LRP1B: variants seen among roughly 807,000 people sequenced by gnomAD.
LRP1B encodes the protein LDL receptor related protein 1B.
Under a neutral mutation model 556.6 loss-of-function variants are expected in LRP1B, and 217 were observed. The ratio of observed to expected loss-of-function variants is 0.39; its 90% CI spans 0.35 to 0.44. LRP1B has a LOEUF of 0.44. LRP1B is among the 20% of genes least tolerant of loss of function. LRP1B has a pLI of 1.00. For synonymous variants in LRP1B, 2,047 were observed against 1,865.8 expected (o/e 1.10, Z -2.50); for missense variants, 5,053 against 5,620.8 (o/e 0.90, Z 3.23).
chr2:141,848,913 A>G (rs1275579297), intron 1 of LRP1B, among the ~76,000 whole-genome samples: 1 of 151,554 alleles, frequency 6.6e-6, no homozygotes, highest in Non-Finnish European at 1.5e-5. Context: ...TGTCCAGGGG[A>G]GTGCCTGGCA....
chr2:141,429,762 T>C (rs4245857), intron 3 of LRP1B, among the ~76,000 whole-genome samples: 1 of 151,976 alleles, frequency 6.6e-6, no homozygotes, highest in African/African-American at 2.4e-5. Flanking sequence ...CATTCCTGTG[T>C]TAGTTTGCTG....
At chr2:141,141,559 A>G (rs1701652606) in intron 7 of LRP1B, among the ~76,000 whole-genome samples, 1 of 152,194 alleles carries the variant, frequency 6.6e-6, no homozygotes, top group African/African-American at 2.4e-5. Flanking sequence ...TCCTTTTGCC[A>G]AAGTTTTATC....
intron 2 of LRP1B, among the ~76,000 whole-genome samples, chr2:141,602,977 A>G (rs1574128891): frequency 6.6e-6 from 1 of 152,346 alleles, no homozygotes; most frequent in Non-Finnish European, 1.5e-5. Flanking sequence ...AACGTATTTT[A>G]AAATGCATTG....
chr2:140,918,606 G>A (rs143825321), intron 21 of LRP1B, among the ~76,000 whole-genome samples: 15 of 152,136 alleles, frequency 9.9e-5, no homozygotes, highest in African/African-American at 1.4e-4. Flanking sequence ...AACTGATGTC[G>A]AAAGAATGCA....
At chr2:141,542,960 T>C (rs1391464876) in intron 2 of LRP1B, among the ~76,000 whole-genome samples, 1 of 152,166 alleles carries the variant, frequency 6.6e-6, no homozygotes, top group Non-Finnish European at 1.5e-5. Context: ...TAGCAGAAGA[T>C]TCCCAAACTA....
chr2:141,033,399 TA>T (rs1698436073), intron 11 of LRP1B, among the ~76,000 whole-genome samples: 2 of 151,994 alleles, frequency 1.3e-5, no homozygotes. Flanking sequence ...ATTTAAAATT[TA>T]AAAAACTACT....
intron 2 of LRP1B, among the ~76,000 whole-genome samples, chr2:141,599,002 TA>T (rs1462882323): frequency 7.3e-6 from 1 of 137,274 alleles, no homozygotes; most frequent in Admixed American, 7.8e-5. Flanking sequence ...GCCAAGTCTA[TA>T]AAAAAATTGA....
chr2:140,588,089 G>C (rs887079721), intron 43 of LRP1B, among the ~76,000 whole-genome samples: 1 of 152,118 alleles, frequency 6.6e-6, no homozygotes, highest in African/African-American at 2.4e-5. Context: ...AGGAATTTTC[G>C]AAAGCAATAG....
At chr2:140,540,071 C>T (rs1193263396) in intron 45 of LRP1B, among the ~76,000 whole-genome samples, 1 of 151,932 alleles carries the variant, frequency 6.6e-6, no homozygotes, top group Non-Finnish European at 1.5e-5. Flanking sequence ...AGATAAAATC[C>T]TTCCAGTGGA....
At chr2:140,842,881 T>C (rs1344892826) in intron 29 of LRP1B, among the ~76,000 whole-genome samples, 1 of 152,024 alleles carries the variant, frequency 6.6e-6, no homozygotes, top group Admixed American at 6.6e-5. Flanking sequence ...ACACAGAGGA[T>C]TGTTATGAAT....
chr2:140,246,606 T>C (rs1056542986), intron 87 of LRP1B, among the ~76,000 whole-genome samples: 2 of 151,472 alleles, frequency 1.3e-5, no homozygotes, highest in African/African-American at 4.8e-5. Context: ...AAGCAATAAA[T>C]CAACTTATAT....
intron 66 of LRP1B, among the ~76,000 whole-genome samples, chr2:140,413,411 G>A (rs180880426): frequency 6.6e-6 from 1 of 152,110 alleles, no homozygotes; most frequent in Non-Finnish European, 1.5e-5. Context: ...GTTTCTAATA[G>A]AAAATCTGTC....
At chr2:141,087,906 A>G (rs1186827500) in intron 7 of LRP1B, among the ~76,000 whole-genome samples, 4 of 150,332 alleles carry the variant, frequency 2.7e-5, no homozygotes, top group East Asian at 3.9e-4. Context: ...CAAGCTTTTT[A>G]TAAGTTAGAC....
intron 2 of LRP1B, among the ~76,000 whole-genome samples, chr2:141,503,646 A>G (rs184585303): frequency 6.6e-6 from 1 of 152,072 alleles, no homozygotes; most frequent in East Asian, 1.9e-4. Context: ...CCCAATTCCT[A>G]CTCATGCTTC....
intron 2 of LRP1B, among the ~76,000 whole-genome samples, chr2:141,640,221 T>G (rs955298077): frequency 2.6e-5 from 4 of 152,164 alleles, no homozygotes; most frequent in Non-Finnish European, 2.9e-5. Context: ...ATCATGATAA[T>G]TACTCGTAAA....
intron 3 of LRP1B, among the ~76,000 whole-genome samples, chr2:141,436,408 T>C (rs562824151): frequency 3.3e-5 from 5 of 152,144 alleles, no homozygotes; most frequent in Admixed American, 6.5e-5. Context: ...TTGCCAGGGG[T>C]TGAGAGATGG....
intron 2 of LRP1B, among the ~76,000 whole-genome samples, chr2:141,764,697 T>TC (rs1694676970): frequency 6.6e-6 from 1 of 151,312 alleles, no homozygotes; most frequent in Non-Finnish European, 1.5e-5. Flanking sequence ...TCTATGGAAT[T>TC]TTTTTTTATG....
At chr2:142,000,779 T>C (rs917948474) in intron 1 of LRP1B, among the ~76,000 whole-genome samples, 2 of 152,146 alleles carry the variant, frequency 1.3e-5, no homozygotes, top group African/African-American at 2.4e-5. Flanking sequence ...CTGTTCTACA[T>C]AGAGAAAACT....
At chr2:141,784,427 G>A (rs747189090) in intron 2 of LRP1B, among the ~76,000 whole-genome samples, 8 of 151,806 alleles carry the variant, frequency 5.3e-5, no homozygotes, top group Admixed American at 1.3e-4. Context: ...TATAGGTCTC[G>A]GCTCTACAAC....
Sources: allele counts gnomAD v4.1 joint callset (sites outside exome capture counted in the v4.1 genomes callset), GRCh38; gene constraint gnomAD v4.1.1; transcripts MANE v1.5; gene names NCBI Gene and HGNC (gene_info 2026-07-23, HGNC 2026-07-21).